The following CA5A variants were observed in gnomAD, a reference collection of about 807,000 sequenced individuals.
The protein encoded by CA5A is carbonic anhydrase 5A, also known as carbonic anhydrase 5A, mitochondrial.
CA5A carries 28 observed loss-of-function variants against 37.1 expected under a neutral mutation model. The observed-to-expected ratio is 0.75, with a 90% confidence interval of 0.56 to 1.03. CA5A has a LOEUF of 1.03. CA5A is among the 50% of genes least tolerant of loss of function. The probability of loss-of-function intolerance (pLI) is 0.00; values close to 1 mark genes in which losing one functional copy is unlikely to be tolerated. For synonymous variants in CA5A, 171 were observed against 158.4 expected (o/e 1.08, Z -0.60); for missense variants, 444 against 399.9 (o/e 1.11, Z -0.94).
chr16:87,926,221 T>TATAAA (rs111594497), intron 2 of CA5A, among the ~76,000 whole-genome samples: 2,530 of 150,600 alleles, frequency 0.017, 57 homozygotes, highest in African/African-American at 0.052. Context: ...TCTGTCTCAA[T>TATAAA]ATAAAATAAA....
rs372538668 is a variant in CA5A, at chr16:87,892,004, A to G, written c.619-50T>C. On this transcript the variant is annotated intron_variant, in intron 5 of 6. Transcript: ENST00000649794. ...GTGTCAGTCCTCAGGGGAGACTAGG[A>G]GCTTCCATCTTGTCTCAGCACGTGA... is the stretch of plus-strand genomic sequence containing the variant. 52 of 1,463,130 alleles carry G rather than the reference A, an allele frequency of 3.6e-5. No individual in the cohort carries two copies. The East Asian group carries it at 8.1e-4, about 23-fold the overall frequency. The allele number at this position is 1,463,130 out of a possible 1,614,324, so 90.6% of individuals were successfully genotyped here. A position where few individuals can be genotyped will look rare whatever the true frequency, so the allele number is the denominator to read the frequency against.
intron 6 of CA5A, among the ~76,000 whole-genome samples, chr16:87,891,085 C>T (rs1172022726): frequency 5.9e-5 from 9 of 151,488 alleles, no homozygotes; most frequent in Admixed American, 2.0e-4. Flanking sequence ...TGAGCCATGA[C>T]GCCCAGCCCA....
chr16:87,926,869 G>A lies in CA5A; in HGVS notation c.219C>T (p.Asp73=), dbSNP rs1213799028. 7 of 1,612,896 alleles carry A rather than the reference G, an allele frequency of 4.3e-6. No homozygotes were observed. The highest frequency in any genetic ancestry group is 5.9e-6 in the Non-Finnish European group (7 of 1,179,344). ...RQSPINIQWR[D]SVYDPQLKPL... ...GCTTCAGCTGGGGGTCATAGACGCT[G>A]TCCCTCCACTGGATGTTAATAGGAG... The change falls in exon 2 of 7, where the codon GAC becomes GAT. Residue 73 remains aspartate (D), a synonymous_variant. Transcript: ENST00000649794.
intron 1 of CA5A, among the ~76,000 whole-genome samples, chr16:87,927,888 T>A: frequency 6.6e-6 from 1 of 151,324 alleles, no homozygotes. Context: ...CAGAAAAGCT[T>A]ATGAGTGAAG....
chr16:87,920,769 C>G (rs1422262955), intron 2 of CA5A, among the ~76,000 whole-genome samples: 1 of 152,094 alleles, frequency 6.6e-6, no homozygotes, highest in East Asian at 1.9e-4. Flanking sequence ...CAGGTGCTTG[C>G]CACCATGCCC....
intron 6 of CA5A, among the ~76,000 whole-genome samples, chr16:87,889,553 C>T (rs144906004): frequency 0.17 from 26,281 of 151,824 alleles, 2,437 homozygotes; most frequent in South Asian, 0.27. Flanking sequence ...GTGGGTGAAT[C>T]ACCTGAGGTC....
chr16:87,885,557 C>G (rs2055641579), downstream of CA5A: 1 of 152,576 alleles, frequency 6.6e-6, no homozygotes, highest in South Asian at 2.1e-4. Flanking sequence ...CTGAGCCTCT[C>G]CACTTGAAAA....
intron 2 of CA5A, among the ~76,000 whole-genome samples, chr16:87,912,780 T>C (rs2056070681): frequency 6.6e-6 from 1 of 152,194 alleles, no homozygotes; most frequent in Non-Finnish European, 1.5e-5. Context: ...GGTTTCTATT[T>C]GTCAGGTGAA....
At chr16:87,929,629 T>G (rs1039977032) in intron 1 of CA5A, among the ~76,000 whole-genome samples, 1 of 151,856 alleles carries the variant, frequency 6.6e-6, no homozygotes, top group South Asian at 2.1e-4. Context: ...TCCCAGCACT[T>G]TGGGAGGCCG....
At chr16:87,934,713 A>G (rs530438876) in intron 1 of CA5A, among the ~76,000 whole-genome samples, 1 of 152,344 alleles carries the variant, frequency 6.6e-6, no homozygotes, top group South Asian at 2.1e-4. Context: ...TAATCCCAGC[A>G]CTTTAGGAGG....
chr16:87,936,467 C>G lies in CA5A; in HGVS notation c.-17G>C. Reference sequence around the variant, plus strand: ...CCCCAACATCTTGGGTCTGTTCCCACTGACTCCAGTCTGAAGAGGGTGATG... The same window carrying G: ...CCCCAACATCTTGGGTCTGTTCCCAGTGACTCCAGTCTGAAGAGGGTGATG... On this transcript the variant is annotated 5_prime_UTR_variant, in exon 1 of 7. Coordinates refer to ENST00000649794, the MANE Select transcript of CA5A (RefSeq NM_001739.2). The G allele has an allele frequency of 6.2e-7, 1 of 1,613,330 alleles. No homozygotes were observed. The highest frequency in any genetic ancestry group is 8.5e-7 in the Non-Finnish European group (1 of 1,179,896).
At chr16:87,918,845 G>A (rs934426988) in intron 2 of CA5A, among the ~76,000 whole-genome samples, 18 of 152,194 alleles carry the variant, frequency 1.2e-4, no homozygotes, top group African/African-American at 4.1e-4. Flanking sequence ...TGAACAAAGA[G>A]GACAGAAAAT....
chr16:87,897,280 C>G (rs959087539), intron 5 of CA5A, among the ~76,000 whole-genome samples: 3 of 152,272 alleles, frequency 2.0e-5, no homozygotes, highest in Non-Finnish European at 4.4e-5. Flanking sequence ...GGGACCCCAG[C>G]AGCCTGAGGA....
chr16:87,935,017 A>T (rs1383196234), intron 1 of CA5A, among the ~76,000 whole-genome samples: 2 of 152,230 alleles, frequency 1.3e-5, no homozygotes, highest in Non-Finnish European at 2.9e-5. Flanking sequence ...GCATCGTGTC[A>T]TCCTTCCATG....
At chr16:87,905,866 C>G (rs2055953730) in intron 2 of CA5A, among the ~76,000 whole-genome samples, 1 of 152,238 alleles carries the variant, frequency 6.6e-6, no homozygotes, top group Non-Finnish European at 1.5e-5. Flanking sequence ...CCAGGTGCAG[C>G]CTCCCAGGAG....
At chr16:87,897,810 T>TA (rs2055825811) in intron 5 of CA5A, among the ~76,000 whole-genome samples, 1 of 152,204 alleles carries the variant, frequency 6.6e-6, no homozygotes, top group Non-Finnish European at 1.5e-5. Context: ...GCAAGACAGA[T>TA]GAATCACAGG....
rs568555262 is a variant in CA5A, at chr16:87,914,713, C to T, written c.341-9809G>A. On this transcript the variant is annotated intron_variant, in intron 2 of 6. Transcript: ENST00000649794. ...GCAGGAGGGAGGACGTGGGGGCGGG[C>T]GCAGGGCGGGAGCACCGGGCAGTCC... Among the ~76,000 whole-genome samples the T allele has an allele frequency of 1.5e-4, 22 of 151,172 alleles. No individual in the cohort carries two copies. In the South Asian group the frequency reaches 4.4e-3, roughly 30 times the overall value.
chr16:87,928,783 T>C (rs2056353934), intron 1 of CA5A, among the ~76,000 whole-genome samples: 2 of 133,870 alleles, frequency 1.5e-5, no homozygotes, highest in African/African-American at 5.7e-5. Flanking sequence ...TTTTTTTTTT[T>C]TTTGAGACGG....
intron 2 of CA5A, among the ~76,000 whole-genome samples, chr16:87,917,396 ATCTC>A (rs1298006725): frequency 6.6e-6 from 1 of 152,208 alleles, no homozygotes; most frequent in Non-Finnish European, 1.5e-5. Context: ...CAGTGGCTGA[ATCTC>A]TAACAGGTAA....
Sources: allele counts gnomAD v4.1 joint callset (sites outside exome capture counted in the v4.1 genomes callset), GRCh38; gene constraint gnomAD v4.1.1; transcripts MANE v1.5; gene names NCBI Gene and HGNC (gene_info 2026-07-23, HGNC 2026-07-21).